C16orf96: variants seen among roughly 807,000 people sequenced by gnomAD.
The protein encoded by C16orf96 is uncharacterized protein C16orf96.
C16orf96 carries 108 observed loss-of-function variants against 103.6 expected under a neutral mutation model. The ratio of observed to expected loss-of-function variants is 1.04; its 90% confidence interval spans 0.89 to 1.22. The LOEUF (loss-of-function observed/expected upper bound fraction) is 1.22, where lower values mean the gene tolerates loss of function less well. Ranked by LOEUF, C16orf96 falls within the 50% of genes most tolerant of loss-of-function variation. C16orf96 has a pLI of 0.00. For missense variants in C16orf96, 1,586 were observed against 1,464.2 expected, an observed-to-expected ratio of 1.08 and a Z score of -1.36; for synonymous variants, 566 against 593.5, an observed-to-expected ratio of 0.95 and a Z score of 0.67.
chr16:4,558,344 A>G (rs189600366), intron 1 of C16orf96, among the ~76,000 whole-genome samples: 10 of 152,344 alleles, frequency 6.6e-5, no homozygotes, highest in Admixed American at 5.2e-4. Flanking sequence ...AGCCGAGCAC[A>G]GTGGCTCACA....
At chr16:4,561,834 T>C (rs1330579210) in intron 1 of C16orf96, among the ~76,000 whole-genome samples, 1 of 152,128 alleles carries the variant, frequency 6.6e-6, no homozygotes, top group Non-Finnish European at 1.5e-5. Context: ...AACAAACGTG[T>C]TTTACAATGT....
rs142136567 is a variant in C16orf96 at position 4,594,481 on chromosome 16, G to A, written c.2998G>A (p.Gly1000Arg). The change falls in exon 13 of 16, where the codon GGG (glycine) becomes AGG (arginine). Residue 1000 changes from glycine to arginine, a missense_variant. By Grantham distance (125) the Gly-to-Arg change is moderately radical. Transcript: ENST00000444310. ...CAACCTGTTGACGCTCTATCCCTAC[G>A]GGGATCCCCACGTGATCGACTATGA... is the stretch of plus-strand genomic sequence containing the variant. ...SCNLLTLYPY[G>R]DPHVIDYDSA... 8,017 of 1,551,406 alleles carry A rather than the reference G, an allele frequency of 5.2e-3. 39 individuals are homozygous for A. Among genetic ancestry groups the A allele is most frequent in the Non-Finnish European group, 6.1e-3 (7,003 of 1,146,984 alleles).
upstream of C16orf96, among the ~76,000 whole-genome samples, chr16:4,556,144 C>T (rs774287692): frequency 6.6e-6 from 1 of 152,138 alleles, no homozygotes; most frequent in Non-Finnish European, 1.5e-5. Context: ...AAAAAGTTAC[C>T]AGTCTCACAT....
intron 2 of C16orf96, among the ~76,000 whole-genome samples, chr16:4,573,897 G>A (rs910485829): frequency 2.7e-5 from 4 of 149,200 alleles, no homozygotes; most frequent in African/African-American, 9.9e-5. Context: ...GCAGTGGCAC[G>A]ATCTCAGCTC....
chr16:4,591,900 T>G, intron 10 of C16orf96, 116 bp downstream of exon 10: 2 of 845,928 alleles, frequency 2.4e-6, no homozygotes, highest in East Asian at 2.7e-5. Context: ...GGATGGGGGC[T>G]TGGCTGTGGC....
At chr16:4,539,610 G>A in the C16orf96 span, among the ~76,000 whole-genome samples, 386 of 152,154 alleles carry the variant, frequency 2.5e-3, 2 homozygotes, top group African/African-American at 8.5e-3. Flanking sequence ...GCTTGAACCC[G>A]AGAGATGGAG....
chr16:4,595,469 G>A (rs1453183992), intron 14 of C16orf96, among the ~76,000 whole-genome samples: 2 of 152,204 alleles, frequency 1.3e-5, no homozygotes, highest in Non-Finnish European at 2.9e-5. Flanking sequence ...GCCCGGCTCT[G>A]GCCGGCTCCT....
At chr16:4,554,907 G>A (rs1012301202), upstream of C16orf96, among the ~76,000 whole-genome samples, 2 of 151,798 alleles carry the variant, frequency 1.3e-5, no homozygotes, top group African/African-American at 4.8e-5. Context: ...GGGATTACAG[G>A]CGTGAGCCAC....
At chr16:4,574,394 G>A (rs1051067560) in intron 2 of C16orf96, among the ~76,000 whole-genome samples, 1 of 152,024 alleles carries the variant, frequency 6.6e-6, no homozygotes, top group African/African-American at 2.4e-5. Flanking sequence ...GCTAATTTTT[G>A]TATTTTTAGT....
At chr16:4,578,746 G>A (rs1179711720) in intron 5 of C16orf96, among the ~76,000 whole-genome samples, 194 bp from the exon 6 acceptor site, 1 of 152,086 alleles carries the variant, frequency 6.6e-6, no homozygotes, top group African/African-American at 2.4e-5. Context: ...GACAGAGCGA[G>A]ATTCCATCTC....
the C16orf96 span, among the ~76,000 whole-genome samples, chr16:4,539,431 C>T: frequency 6.6e-6 from 1 of 152,228 alleles, no homozygotes; most frequent in Non-Finnish European, 1.5e-5. Flanking sequence ...CGCCTGTAAT[C>T]CCAGCACTTT....
chr16:4,544,002 G>T, the C16orf96 span, among the ~76,000 whole-genome samples: 1 of 152,072 alleles, frequency 6.6e-6, no homozygotes, highest in Non-Finnish European at 1.5e-5. Context: ...TTTGAGGCAG[G>T]AGGACCCACT....
intron 14 of C16orf96, among the ~76,000 whole-genome samples, chr16:4,598,204 TAGC>T (rs1311457429): frequency 3.3e-5 from 5 of 151,576 alleles, no homozygotes; most frequent in Non-Finnish European, 7.4e-5. Flanking sequence ...ATACAAAAAT[TAGC>T]AGGGCATAGT....
chr16:4,546,360 G>A, the C16orf96 span, among the ~76,000 whole-genome samples: 9 of 151,422 alleles, frequency 5.9e-5, no homozygotes, highest in African/African-American at 9.7e-5. Flanking sequence ...GGGTTTCACC[G>A]TGTTAGCCAG....
intron 1 of C16orf96, among the ~76,000 whole-genome samples, chr16:4,558,084 A>G (rs1567436388): frequency 6.6e-6 from 1 of 152,220 alleles, no homozygotes; most frequent in African/African-American, 2.4e-5. Flanking sequence ...GTGAGTGAGA[A>G]TCTCCAAGAA....
chr16:4,566,432 G>A (rs1486567267), intron 1 of C16orf96, among the ~76,000 whole-genome samples: 1 of 152,156 alleles, frequency 6.6e-6, no homozygotes, highest in Non-Finnish European at 1.5e-5. Flanking sequence ...GACGAATGAT[G>A]TTGAGCATCT....
chr16:4,594,101 G>A (rs528083158), intron 12 of C16orf96, among the ~76,000 whole-genome samples: 11 of 152,198 alleles, frequency 7.2e-5, no homozygotes, highest in Non-Finnish European at 1.5e-4. Context: ...AGAAGGACAC[G>A]CTCTTCAGGC....
At chr16:4,572,955 C>G (rs976353411) in intron 2 of C16orf96, among the ~76,000 whole-genome samples, 1 of 152,180 alleles carries the variant, frequency 6.6e-6, no homozygotes, top group Non-Finnish European at 1.5e-5. Context: ...GGTTTAACAA[C>G]TTCCCCCAAA....
intron 14 of C16orf96, among the ~76,000 whole-genome samples, chr16:4,598,222 C>A (rs1479987835): frequency 3.9e-5 from 6 of 151,930 alleles, no homozygotes; most frequent in Non-Finnish European, 8.8e-5. Context: ...CATAGTGAGG[C>A]TCCCTGCAGT....
Sources: gnomAD v4.1 joint callset for allele counts (sites outside exome capture counted in the v4.1 genomes callset) on GRCh38, gnomAD v4.1.1 for gene constraint, MANE v1.5 for transcripts, NCBI Gene and HGNC (gene_info 2026-07-23, HGNC 2026-07-21) for gene names.